The following HCRTR2 variants were observed in gnomAD, a reference collection of about 807,000 sequenced individuals.
The protein encoded by HCRTR2 is orexin receptor type 2.
A neutral mutation model predicts 49.0 loss-of-function variants in HCRTR2; 22 were observed. The ratio of observed to expected loss-of-function variants is 0.45; its 90% CI spans 0.32 to 0.64. The LOEUF (loss-of-function observed/expected upper bound fraction) is 0.64, where lower values mean the gene tolerates loss of function less well. Ranked by LOEUF, HCRTR2 falls within the 30% of genes least tolerant of loss-of-function variation. HCRTR2 has a pLI of 0.04. For missense variants in HCRTR2, 491 were observed against 559.4 expected (o/e 0.88, Z 1.23); for synonymous variants, 236 against 205.3 (o/e 1.15, Z -1.28).
At chr6:55,224,496 G>A (rs576853542) in intron 1 of HCRTR2, among the ~76,000 whole-genome samples, 6 of 152,046 alleles carry the variant, frequency 3.9e-5, no homozygotes, top group South Asian at 2.1e-4. Flanking sequence ...GGTGGTGGGC[G>A]CCTGTAGTCC....
intron 1 of HCRTR2, among the ~76,000 whole-genome samples, chr6:55,188,364 T>G (rs1242250400): frequency 6.6e-6 from 1 of 152,180 alleles, no homozygotes; most frequent in African/African-American, 2.4e-5. Flanking sequence ...TTTTATCTCT[T>G]TGTAAACAGG....
In HCRTR2 at chr6:55,134,084, G is replaced by A. The variant is rs530050714; in HGVS notation, c.-378+27539G>A. Among the ~76,000 whole-genome samples, 310 of 151,284 alleles carry A rather than the reference G, an allele frequency of 2.0e-3. 2 individuals are homozygous for A. The highest frequency in any genetic ancestry group is 2.6e-3 in the Non-Finnish European group (175 of 67,712). ...TTTCTTTGATTCCCCCACTTCTTAC[G>A]TACCTCTTCATTTCTCCACCAAAAT... On this transcript the variant is annotated intron_variant, in intron 1 of 7. Coordinates refer to the HCRTR2 transcript ENST00000615358.
chr6:55,276,860 C>G (rs1767085868), intron 4 of HCRTR2, among the ~76,000 whole-genome samples: 1 of 152,166 alleles, frequency 6.6e-6, no homozygotes, highest in Admixed American at 6.6e-5. Flanking sequence ...TCCTTTCATT[C>G]AAAGGTTTGC....
intron 1 of HCRTR2, among the ~76,000 whole-genome samples, chr6:55,212,076 C>A (rs1047691913): frequency 1.3e-5 from 2 of 152,132 alleles, no homozygotes; most frequent in South Asian, 4.1e-4. Flanking sequence ...AAAGAAATAC[C>A]TGTCTTTCTC....
At chr6:55,251,696 C>A (rs1298031653) in intron 2 of HCRTR2, among the ~76,000 whole-genome samples, 2 of 152,094 alleles carry the variant, frequency 1.3e-5, no homozygotes, top group East Asian at 3.9e-4. Context: ...GCAAAATTTT[C>A]ATTTCTCCTT....
chr6:55,282,099 A>G (rs189246180), intron 6 of HCRTR2, 126 bp from the exon 7 acceptor site: 7 of 698,100 alleles, frequency 1.0e-5, no homozygotes, highest in Admixed American at 2.1e-5. Flanking sequence ...TATTTTACCC[A>G]TCTTTGCAAA....
At chr6:55,277,359 G>T in intron 4 of HCRTR2, 21 bp from the exon 5 acceptor site, 1 of 1,584,352 alleles carries the variant, frequency 6.3e-7, no homozygotes, top group East Asian at 2.2e-5. Context: ...TGCAATAAGG[G>T]TCTGTCTCTT....
chr6:55,264,091 A>G (rs554385145), intron 4 of HCRTR2, among the ~76,000 whole-genome samples: 1 of 152,214 alleles, frequency 6.6e-6, no homozygotes, highest in East Asian at 1.9e-4. Flanking sequence ...AGTACTTTAC[A>G]TTTTAAATAA....
intron 1 of HCRTR2, among the ~76,000 whole-genome samples, chr6:55,242,388 A>G (rs76683351): frequency 0.022 from 1,491 of 69,206 alleles, 22 homozygotes; most frequent in East Asian, 0.065. Context: ...CCCCTGGGGG[A>G]AAAAAAAATC....
At chr6:55,131,901 T>A (rs527938788) in intron 1 of HCRTR2, among the ~76,000 whole-genome samples, 14 of 151,746 alleles carry the variant, frequency 9.2e-5, no homozygotes, top group South Asian at 2.1e-4. Flanking sequence ...AACCTGGAAA[T>A]GAAGCAACTA....
At chr6:55,211,255 A>AC (rs984659453) in intron 1 of HCRTR2, among the ~76,000 whole-genome samples, 1 of 152,180 alleles carries the variant, frequency 6.6e-6, no homozygotes. Context: ...TATTAGGTCT[A>AC]TTTTATTCTA....
intron 1 of HCRTR2, among the ~76,000 whole-genome samples, chr6:55,133,607 G>A (rs1045598014): frequency 2.6e-5 from 4 of 151,706 alleles, no homozygotes; most frequent in African/African-American, 7.3e-5. Flanking sequence ...AACATTGTAC[G>A]TTCTAAGAAC....
At chr6:55,106,848 G>A (rs1008786405) in intron 1 of HCRTR2, among the ~76,000 whole-genome samples, 4 of 151,984 alleles carry the variant, frequency 2.6e-5, no homozygotes, top group Non-Finnish European at 5.9e-5. Context: ...ATGCCTACAT[G>A]CCCCTTTTGC....
chr6:55,195,371 T>C (rs1765390724), intron 1 of HCRTR2, among the ~76,000 whole-genome samples: 1 of 152,084 alleles, frequency 6.6e-6, no homozygotes, highest in Admixed American at 6.6e-5. Flanking sequence ...AGGTAATCAC[T>C]GAAGATAAAA....
At chr6:55,170,066 G>T (rs1278352791), upstream of HCRTR2, among the ~76,000 whole-genome samples, 1 of 149,664 alleles carries the variant, frequency 6.7e-6, no homozygotes, top group African/African-American at 2.5e-5. Flanking sequence ...AAATACCTGA[G>T]TTTGAGATTT....
chr6:55,172,066 G>A (rs892769580), upstream of HCRTR2, among the ~76,000 whole-genome samples: 3 of 152,146 alleles, frequency 2.0e-5, no homozygotes, highest in African/African-American at 4.8e-5. Context: ...GATTTATGCC[G>A]ATGAACTTGA....
intron 1 of HCRTR2, among the ~76,000 whole-genome samples, chr6:55,212,845 T>C (rs1233787288): frequency 1.3e-5 from 2 of 152,184 alleles, no homozygotes; most frequent in African/African-American, 2.4e-5. Context: ...GCAATCAAAA[T>C]GCATCTGACA....
chr6:55,162,094 T>C (rs1361793558), intron 1 of HCRTR2, among the ~76,000 whole-genome samples: 2 of 152,132 alleles, frequency 1.3e-5, no homozygotes, highest in Non-Finnish European at 2.9e-5. Flanking sequence ...CTCAATAAAA[T>C]ACTGGCAAAC....
At chr6:55,265,431 G>A (rs74937200) in intron 4 of HCRTR2, among the ~76,000 whole-genome samples, 1,608 of 152,210 alleles carry the variant, frequency 0.011, 25 homozygotes, top group East Asian at 0.048. Flanking sequence ...TGCTCCATTT[G>A]TTTTCTCATT....
Sources: allele counts gnomAD v4.1 joint callset (sites outside exome capture counted in the v4.1 genomes callset), GRCh38; gene constraint gnomAD v4.1.1; transcripts MANE v1.5; gene names NCBI Gene and HGNC (gene_info 2026-07-23, HGNC 2026-07-21).